The following AMOTL1 variants were observed in gnomAD, a reference collection of about 807,000 sequenced individuals.
AMOTL1 encodes the protein angiomotin-like protein 1.
In AMOTL1, 45 loss-of-function variants were observed where a neutral mutation model predicts 102.9. That is an observed-to-expected ratio of 0.44 (90% CI 0.34 to 0.56). The LOEUF is 0.56. Among genes scored for constraint, AMOTL1 ranks in the 20% least tolerant of loss-of-function variants. The pLI, the probability that AMOTL1 is intolerant of heterozygous loss-of-function variation, is 0.01. For synonymous variants in AMOTL1, 481 were observed against 484.7 expected (o/e 0.99, Z 0.10); for missense variants, 1,114 against 1,225.6 (o/e 0.91, Z 1.36).
intron 7 of AMOTL1, among the ~76,000 whole-genome samples, chr11:94,851,294 G>C (rs1266003530): frequency 6.6e-6 from 1 of 152,198 alleles, no homozygotes; most frequent in Non-Finnish European, 1.5e-5. Context: ...TCCATGAGTG[G>C]AGCTAAGGAA....
chr11:94,737,668 C>T (rs925875295), intron 2 of AMOTL1, among the ~76,000 whole-genome samples: 7 of 152,200 alleles, frequency 4.6e-5, no homozygotes, highest in African/African-American at 1.7e-4. Context: ...ATGTTATTTG[C>T]TTGATTCTAT....
intron 9 of AMOTL1, among the ~76,000 whole-genome samples, chr11:94,864,216 T>C (rs1180323842): frequency 6.6e-6 from 1 of 151,618 alleles, no homozygotes; most frequent in Non-Finnish European, 1.5e-5. Context: ...AGGACAAGCA[T>C]GAAAAAGTAC....
intron 2 of AMOTL1, among the ~76,000 whole-genome samples, chr11:94,729,377 G>T (rs905744429): frequency 1.3e-5 from 2 of 152,158 alleles, no homozygotes; most frequent in Non-Finnish European, 2.9e-5. Context: ...TGGGAAGCTG[G>T]TCAGACATCT....
intron 8 of AMOTL1, among the ~76,000 whole-genome samples, chr11:94,856,123 C>G (rs780242429): frequency 1.3e-5 from 2 of 152,110 alleles, no homozygotes; most frequent in East Asian, 3.8e-4. Context: ...GAAATACATT[C>G]AGGGATTATG....
intron 1 of AMOTL1, among the ~76,000 whole-genome samples, chr11:94,785,745 AG>A (rs1951177429): frequency 6.6e-6 from 1 of 152,238 alleles, no homozygotes. Context: ...CGTGGCAGAC[AG>A]GAAGTATCTG....
intron 2 of AMOTL1, 119 bp downstream of exon 2, chr11:94,795,279 T>C (rs1951346833): frequency 2.3e-6 from 3 of 1,290,852 alleles, no homozygotes; most frequent in Admixed American, 2.2e-5. Context: ...AATCATCATA[T>C]TGGATTATTG....
intron 1 of AMOTL1, among the ~76,000 whole-genome samples, chr11:94,718,987 C>T (rs188637564): frequency 1.0e-3 from 155 of 151,902 alleles, no homozygotes; most frequent in African/African-American, 3.6e-3. Flanking sequence ...TGTCCTCTAA[C>T]ATGCTTAGTT....
intron 1 of AMOTL1, among the ~76,000 whole-genome samples, chr11:94,792,800 T>C (rs1004182765): frequency 6.6e-6 from 1 of 152,212 alleles, no homozygotes; most frequent in African/African-American, 2.4e-5. Flanking sequence ...TTCATGACAC[T>C]GAGGAAACAG....
At chr11:94,781,680 C>T (rs1231113498) in intron 1 of AMOTL1, among the ~76,000 whole-genome samples, 1 of 151,914 alleles carries the variant, frequency 6.6e-6, no homozygotes, top group African/African-American at 2.4e-5. Flanking sequence ...ACTAAAAATA[C>T]AAAAATTACC....
upstream of AMOTL1, among the ~76,000 whole-genome samples, chr11:94,767,917 G>A (rs562668982): frequency 1.3e-5 from 2 of 152,186 alleles, no homozygotes; most frequent in African/African-American, 4.8e-5. Flanking sequence ...TGGAAGCACT[G>A]GGGCCTGGGG....
At chr11:94,821,846 G>A (rs1447284979) in intron 4 of AMOTL1, 25 bp downstream of exon 4, 1 of 1,606,294 alleles carries the variant, frequency 6.2e-7, no homozygotes, top group South Asian at 1.1e-5. Context: ...TGGGGAATGG[G>A]AGGGAGACAA....
At chr11:94,717,458 A>G (rs1950114447) in intron 1 of AMOTL1, among the ~76,000 whole-genome samples, 1 of 151,396 alleles carries the variant, frequency 6.6e-6, no homozygotes, top group African/African-American at 2.4e-5. Flanking sequence ...GAAAGAGCCA[A>G]CAAAAGTGGC....
intron 4 of AMOTL1, among the ~76,000 whole-genome samples, chr11:94,826,042 TGGGAGTCCAA>T (rs1951956301): frequency 1.3e-5 from 2 of 152,158 alleles, no homozygotes; most frequent in African/African-American, 4.8e-5. Context: ...CCCAGCACTT[TGGGAGTCCAA>T]GGCAGGTGGA....
chr11:94,828,985 A>G (rs1309442981), intron 4 of AMOTL1, among the ~76,000 whole-genome samples: 1 of 152,102 alleles, frequency 6.6e-6, no homozygotes, highest in Non-Finnish European at 1.5e-5. Context: ...TTACATAACA[A>G]TACAATGGGA....
chr11:94,784,582 G>A (rs1158415974), intron 1 of AMOTL1, among the ~76,000 whole-genome samples: 1 of 152,060 alleles, frequency 6.6e-6, no homozygotes, highest in East Asian at 1.9e-4. Flanking sequence ...ATTGCAGGTT[G>A]GTTGGTTAGT....
chr11:94,727,966 C>T (rs1160686417), intron 1 of AMOTL1, among the ~76,000 whole-genome samples: 4 of 152,170 alleles, frequency 2.6e-5, no homozygotes, highest in African/African-American at 7.2e-5. Flanking sequence ...TGCAGGAACC[C>T]GCAGGGCAAC....
intron 3 of AMOTL1, among the ~76,000 whole-genome samples, chr11:94,761,662 G>A (rs1297675636): frequency 6.6e-6 from 1 of 152,114 alleles, no homozygotes; most frequent in Non-Finnish European, 1.5e-5. Context: ...ATAACTTATA[G>A]AACATTTAAG....
chr11:94,827,166 C>T (rs577549094), intron 4 of AMOTL1, among the ~76,000 whole-genome samples: 34 of 152,260 alleles, frequency 2.2e-4, no homozygotes, highest in African/African-American at 4.1e-4. Flanking sequence ...AGTTAGTAGT[C>T]GAATCAGAGC....
At chr11:94,820,132 T>C (rs572625858) in intron 3 of AMOTL1, among the ~76,000 whole-genome samples, 1 of 152,344 alleles carries the variant, frequency 6.6e-6, no homozygotes, top group South Asian at 2.1e-4. Context: ...CCCCTATCAA[T>C]TTGTGTAGAG....
Sources: gnomAD v4.1 joint callset for allele counts (sites outside exome capture counted in the v4.1 genomes callset) on GRCh38, gnomAD v4.1.1 for gene constraint, MANE v1.5 for transcripts, NCBI Gene and HGNC (gene_info 2026-07-23, HGNC 2026-07-21) for gene names.